VLDLR: variants seen among roughly 807,000 people sequenced by gnomAD.
VLDLR encodes the protein very low density lipoprotein receptor.
A neutral mutation model predicts 112.7 loss-of-function variants in VLDLR; 81 were observed. The observed-to-expected ratio is 0.72, with a 90% CI of 0.60 to 0.86. The LOEUF (loss-of-function observed/expected upper bound fraction) is 0.86. Among genes scored for constraint, VLDLR ranks in the 40% least tolerant of loss-of-function variants. The pLI, the probability that VLDLR is intolerant of heterozygous loss-of-function variation, is 0.00. For missense variants in VLDLR, 1,237 were observed against 1,099.4 expected (o/e 1.13, Z -1.77); for synonymous variants, 436 against 384.8 (o/e 1.13, Z -1.56).
chr9:2,624,018 A>C (rs547001307), intron 1 of VLDLR, among the ~76,000 whole-genome samples: 96 of 152,286 alleles, frequency 6.3e-4, no homozygotes, highest in African/African-American at 2.2e-3. Context: ...ATTATCCAGG[A>C]AGGTGAGAGA....
At chr9:2,639,426 G>T (rs915237625) in intron 2 of VLDLR, among the ~76,000 whole-genome samples, 1 of 152,148 alleles carries the variant, frequency 6.6e-6, no homozygotes, top group African/African-American at 2.4e-5. Flanking sequence ...GTGAATTCTG[G>T]GTGGAGACAA....
chr9:2,648,825 C>T lies in VLDLR; in HGVS notation c.2104+15C>T. ...ACAGCCATCAGGTACCGTGGAGAAG[C>T]ACAGTCCTTAATAACTACTTTAAGG... On this transcript the variant is annotated intron_variant, in intron 14 of 18. Transcript: ENST00000382100. The T allele has an allele frequency of 1.2e-6, 2 of 1,614,134 alleles. No individual in the cohort carries two copies. The highest frequency in any genetic ancestry group is 1.6e-4 in the Middle Eastern group (1 of 6,062).
Position 2,651,518 on chromosome 9 carries a change from A to T in VLDLR, c.2335+20A>T. 6.3e-7 allele frequency: 1 copy of T among 1,597,096 alleles called. No individual in the cohort carries two copies. Among genetic ancestry groups the T allele is most frequent in the Non-Finnish European group, 8.6e-7 (1 of 1,164,876 alleles). ...CTGGAGGTATTGAGTTCAGTACTGC[A>T]AACTGTTAATCTCAACTAACAGCCA... On this transcript the variant is annotated intron_variant, in intron 16 of 18. Coordinates refer to ENST00000382100, the MANE Select transcript of VLDLR (RefSeq NM_003383.5).
chr9:2,635,814 G>A (rs570900347), intron 2 of VLDLR, among the ~76,000 whole-genome samples: 7 of 152,280 alleles, frequency 4.6e-5, no homozygotes, highest in South Asian at 2.1e-4. Flanking sequence ...TCAGACAAAC[G>A]TGGAATAGGA....
Position 2,651,891 on chromosome 9 carries a change from G to A in VLDLR, c.2353G>A (p.Ala785Thr), listed in dbSNP as rs983518490. The change falls in exon 17 of 19, where the codon GCA becomes ACA. Residue 785 changes from alanine (A) to threonine (T), a missense_variant. Transcript: ENST00000382100. ...LVPGGINVTT[A>T]VSEVSVPPKG... Reference sequence around the variant, plus strand: ...CTCTGTAGGGATCAATGTGACCACAGCAGTATCAGAGGTCAGTGTTCCCCC... The same window carrying A: ...CTCTGTAGGGATCAATGTGACCACAACAGTATCAGAGGTCAGTGTTCCCCC... 3 of 1,614,072 alleles carry A rather than the reference G, an allele frequency of 1.9e-6. No individual in the cohort carries two copies. Among genetic ancestry groups the A allele is most frequent in the Middle Eastern group, 1.6e-4 (1 of 6,062 alleles).
intron 1 of VLDLR, among the ~76,000 whole-genome samples, chr9:2,624,928 C>G (rs1053369008): frequency 6.6e-6 from 1 of 152,186 alleles, no homozygotes; most frequent in Non-Finnish European, 1.5e-5. Context: ...TGGCATTTAC[C>G]TATAGTGCCT....
At chr9:2,629,781 A>G (rs765327473) in intron 1 of VLDLR, among the ~76,000 whole-genome samples, 20 of 152,164 alleles carry the variant, frequency 1.3e-4, no homozygotes, top group Non-Finnish European at 2.5e-4. Context: ...CCCCCGAACT[A>G]GTGTTTTTGT....
At chr9:2,633,091 TGA>T (rs1318725201) in intron 1 of VLDLR, among the ~76,000 whole-genome samples, 1 of 143,616 alleles carries the variant, frequency 7.0e-6, no homozygotes, top group Non-Finnish European at 1.5e-5. Flanking sequence ...TGTGTGTGGT[TGA>T]GAGAGAGGGA....
Position 2,639,925 on chromosome 9 carries a change from A to G in VLDLR, c.269A>G (p.Lys90Arg). The change falls in exon 3 of 19, where the codon AAG (lysine) becomes AGG (arginine). Residue 90 changes from lysine to arginine, a missense_variant. By Grantham distance (26) the Lys-to-Arg change is conservative. Coordinates refer to ENST00000382100, the MANE Select transcript of VLDLR (RefSeq NM_003383.5). ...GGCCAGTGTGTTCCCAGCCGATGGAAGTGTGATGGAGATCCTGACTGCGAA... is the reference window on the plus strand; with the variant it reads ...GGCCAGTGTGTTCCCAGCCGATGGAGGTGTGATGGAGATCCTGACTGCGAA... ...NNGQCVPSRW[K>R]CDGDPDCEDG... is the part of the protein sequence containing the mutation. 1 of 1,614,192 alleles carries G rather than the reference A, an allele frequency of 6.2e-7. No individual in the cohort carries two copies. The highest frequency in any genetic ancestry group is 8.5e-7 in the Non-Finnish European group (1 of 1,180,030).
At chr9:2,632,506 A>T (rs777114496) in intron 1 of VLDLR, among the ~76,000 whole-genome samples, 1 of 152,216 alleles carries the variant, frequency 6.6e-6, no homozygotes, top group Non-Finnish European at 1.5e-5. Flanking sequence ...TCCCTTTATG[A>T]AAGTATAATA....
Position 2,635,541 on chromosome 9 carries a change from CTGTGTT to C in VLDLR, c.172_177del (p.Cys58_Val59del). ...TGTGGAAATGTGATGGGGATGAAGACTGTGTTGACGGCAGTGATGAAAAGAACTGTG... is the reference window on the plus strand; with the variant it reads ...TGTGGAAATGTGATGGGGATGAAGACGACGGCAGTGATGAAAAGAACTGTG... On this transcript the variant is annotated inframe_deletion, in exon 2 of 19. Coordinates refer to ENST00000382100, the MANE Select transcript of VLDLR (RefSeq NM_003383.5). 1 of 1,614,012 alleles carries C rather than the reference CTGTGTT, an allele frequency of 6.2e-7. No homozygotes were observed. Among genetic ancestry groups the C allele is most frequent in the Admixed American group, 1.7e-5 (1 of 59,998 alleles).
chr9:2,639,816 G>A (rs1817748790), intron 2 of VLDLR, 43 bp from the exon 3 acceptor site: 1 of 1,613,856 alleles, frequency 6.2e-7, no homozygotes, highest in African/African-American at 1.3e-5. Flanking sequence ...TAGGGCTGTG[G>A]GTAAATGACT....
chr9:2,647,891 G>A lies in VLDLR; in HGVS notation c.1822+299G>A, dbSNP rs571601710. 3 of 566,820 alleles carry A rather than the reference G, an allele frequency of 5.3e-6. No individual in the cohort carries two copies. In the East Asian group the frequency reaches 9.2e-5, roughly 17 times the overall value. The allele number at this position is 566,820 out of a possible 1,614,324, so 35.1% of individuals were successfully genotyped here. ...GGGCATGAGTGCCTTAGCATTTCCT[G>A]AATTGCAGGCTTTTAACAGTTTTCT... On this transcript the variant is annotated intron_variant, in intron 12 of 18. Coordinates refer to ENST00000382100, the MANE Select transcript of VLDLR (RefSeq NM_003383.5).
At chr9:2,645,149 A>C in intron 9 of VLDLR, 67 bp downstream of exon 9, 1 of 1,608,218 alleles carries the variant, frequency 6.2e-7, no homozygotes, top group Non-Finnish European at 8.5e-7. Flanking sequence ...AGGTACAGCC[A>C]GTGACTACAA....
In VLDLR at chr9:2,645,088, T is replaced by G. The variant is rs376037456; in HGVS notation, c.1312+6T>G. On this transcript the variant is annotated splice_donor_region_variant and intron_variant, in intron 9 of 18. Coordinates refer to ENST00000382100, the MANE Select transcript of VLDLR (RefSeq NM_003383.5). ...TGGCGTGTGCAAGGCAGTAGGTAAA[T>G]GAACTTGGACTGGTATGGCTGTTGT... The G allele has an allele frequency of 9.3e-6, 15 of 1,614,020 alleles. No homozygotes were observed. The highest frequency in any genetic ancestry group is 1.3e-5 in the Non-Finnish European group (15 of 1,180,024).
intron 11 of VLDLR, 61 bp from the exon 12 acceptor site, chr9:2,647,413 G>C (rs1359169660): frequency 1.4e-6 from 2 of 1,460,844 alleles, no homozygotes; most frequent in Non-Finnish European, 1.9e-6. Flanking sequence ...TTTGTTTCCA[G>C]CTACTACAAC....
chr9:2,633,051 AGT>A (rs71329439), intron 1 of VLDLR, among the ~76,000 whole-genome samples: 25 of 115,466 alleles, frequency 2.2e-4, no homozygotes, highest in East Asian at 7.3e-4. Flanking sequence ...AGAGAGAGAG[AGT>A]GTGTGTGTGT....
At chr9:2,653,091 T>A in intron 18 of VLDLR, 142 bp downstream of exon 18, 1 of 1,099,692 alleles carries the variant, frequency 9.1e-7, no homozygotes, top group Admixed American at 1.9e-5. Context: ...ACAGACAGTA[T>A]AGCCTGTTAG....
chr9:2,636,861 C>T (rs139423548), intron 2 of VLDLR, among the ~76,000 whole-genome samples: 2 of 152,224 alleles, frequency 1.3e-5, no homozygotes, highest in Admixed American at 6.5e-5. Context: ...CTCTTCTAAA[C>T]GATATATTTG....
Sources: allele counts gnomAD v4.1 joint callset (sites outside exome capture counted in the v4.1 genomes callset), GRCh38; gene constraint gnomAD v4.1.1; transcripts MANE v1.5; gene names NCBI Gene and HGNC (gene_info 2026-07-23, HGNC 2026-07-21).